Variants in GRIA1 observed in about 807,000 individuals in gnomAD.
GRIA1 encodes glutamate receptor 1.
GRIA1 carries 31 observed loss-of-function variants against 99.2 expected under a neutral mutation model. The ratio of observed to expected loss-of-function variants is 0.31; its 90% CI spans 0.23 to 0.42. The LOEUF is 0.42. GRIA1 is among the 10% of genes least tolerant of loss of function. The pLI is 1.00. For missense variants in GRIA1, 782 were observed against 1,157.5 expected (o/e 0.68, Z 4.71); for synonymous variants, 438 against 432.4 (o/e 1.01, Z -0.16).
At chr5:153,702,670 G>T (rs1056689030) in intron 10 of GRIA1, among the ~76,000 whole-genome samples, 2 of 152,192 alleles carry the variant, frequency 1.3e-5, no homozygotes, top group African/African-American at 4.8e-5. Context: ...TAGAAATGCA[G>T]ATGTTCACAT....
At chr5:153,587,076 T>C (rs1302613930) in intron 2 of GRIA1, among the ~76,000 whole-genome samples, 1 of 152,182 alleles carries the variant, frequency 6.6e-6, no homozygotes, top group Non-Finnish European at 1.5e-5. Flanking sequence ...GGTAGTGTGA[T>C]ATAGTTTGGA....
At chr5:153,755,994 G>A (rs1762803966) in intron 11 of GRIA1, among the ~76,000 whole-genome samples, 1 of 152,216 alleles carries the variant, frequency 6.6e-6, no homozygotes, top group African/African-American at 2.4e-5. Context: ...CTGTCAATGG[G>A]TCCAGGAGAA....
intron 11 of GRIA1, among the ~76,000 whole-genome samples, chr5:153,739,452 T>C (rs1387598586): frequency 6.6e-6 from 1 of 152,190 alleles, no homozygotes; most frequent in Non-Finnish European, 1.5e-5. Context: ...CTGATAAATA[T>C]CTGTTGAATA....
intron 7 of GRIA1, among the ~76,000 whole-genome samples, chr5:153,684,035 G>T (rs1757175446): frequency 6.6e-6 from 1 of 152,088 alleles, no homozygotes; most frequent in African/African-American, 2.4e-5. Context: ...GCGAACACTT[G>T]GTACCTTAAG....
chr5:153,664,937 G>A (rs1046513868), intron 5 of GRIA1, among the ~76,000 whole-genome samples: 15 of 152,184 alleles, frequency 9.9e-5, no homozygotes, highest in Non-Finnish European at 4.4e-5. Flanking sequence ...TTTCTAGATA[G>A]GAAGGTTTTG....
intron 5 of GRIA1, among the ~76,000 whole-genome samples, chr5:153,660,417 C>T (rs1419626174): frequency 2.0e-5 from 3 of 152,298 alleles, no homozygotes; most frequent in South Asian, 4.1e-4. Flanking sequence ...GACTTTTCCA[C>T]AGTCACAAAA....
intron 5 of GRIA1, among the ~76,000 whole-genome samples, chr5:153,661,530 C>A (rs1252516506): frequency 6.6e-6 from 1 of 152,094 alleles, no homozygotes; most frequent in African/African-American, 2.4e-5. Context: ...ATAACTGATT[C>A]TCTATTATTT....
chr5:153,677,171 C>T lies in GRIA1; in HGVS notation c.1029+10C>T, dbSNP rs1246871627. The T allele has an allele frequency of 2.1e-6, 3 of 1,440,400 alleles. No individual in the cohort carries two copies. Among genetic ancestry groups the T allele is most frequent in the Admixed American group, 4.5e-5 (2 of 44,028 alleles). The allele number at this position is 1,440,400 out of a possible 1,614,324, so 89.2% of individuals were successfully genotyped here. ...GAGAGCTCTGCAGCAGGTAAGACCA[C>T]CAATGTTTGCCCCATCTCATAGGAG... is the stretch of plus-strand genomic sequence containing the variant. On this transcript the variant is annotated intron_variant, in intron 7 of 15. Transcript: ENST00000285900.
At chr5:153,709,144 G>T (rs1759129118) in intron 11 of GRIA1, among the ~76,000 whole-genome samples, 1 of 152,300 alleles carries the variant, frequency 6.6e-6, no homozygotes, top group African/African-American at 2.4e-5. Flanking sequence ...AGAAACTTTT[G>T]TTGTCATTGT....
chr5:153,604,495 T>C (rs1765276578), intron 2 of GRIA1, among the ~76,000 whole-genome samples: 1 of 152,230 alleles, frequency 6.6e-6, no homozygotes, highest in Middle Eastern at 3.2e-3. Flanking sequence ...GGCAAAACTA[T>C]ATAGCACACT....
chr5:153,785,501 C>T (rs571156388), intron 13 of GRIA1, among the ~76,000 whole-genome samples: 30 of 152,112 alleles, frequency 2.0e-4, no homozygotes, highest in African/African-American at 7.2e-4. Flanking sequence ...AAAAAATTAC[C>T]GTCTCTTATT....
At position 153,757,236 on chromosome 5, in the gene GRIA1, A is replaced by T. The variant is rs186692248; in HGVS notation, c.1824-7198A>T. Among the ~76,000 whole-genome samples, 804 of 152,262 alleles carry T rather than the reference A, an allele frequency of 5.3e-3. 9 individuals carry two copies. The highest frequency in any genetic ancestry group is 0.018 in the African/African-American group (740 of 41,548). The stretch of plus-strand genomic sequence containing the variant: ...GAGCTTGAAAACAGTCTCCTTGAAA[A>T]TACAGCCAAAGGAGAAAATAGGAAA... On this transcript the variant is annotated intron_variant, in intron 11 of 15. Transcript: ENST00000285900.
intron 2 of GRIA1, among the ~76,000 whole-genome samples, chr5:153,577,095 T>C (rs1018762389): frequency 1.4e-5 from 2 of 145,012 alleles, no homozygotes; most frequent in African/African-American, 5.1e-5. Flanking sequence ...GATGAATGGA[T>C]GGATGGATGG....
At chr5:153,564,215 G>C (rs1761414659) in intron 2 of GRIA1, among the ~76,000 whole-genome samples, 1 of 152,192 alleles carries the variant, frequency 6.6e-6, no homozygotes, top group East Asian at 1.9e-4. Context: ...AGCAGCATCT[G>C]TTTGCCAGGG....
chr5:153,602,130 C>T (rs976481104), intron 2 of GRIA1, among the ~76,000 whole-genome samples: 1 of 152,148 alleles, frequency 6.6e-6, no homozygotes, highest in Non-Finnish European at 1.5e-5. Flanking sequence ...GGAACCAACC[C>T]AAATGTCCAA....
At chr5:153,544,926 T>C (rs1205862426) in intron 2 of GRIA1, among the ~76,000 whole-genome samples, 1 of 152,230 alleles carries the variant, frequency 6.6e-6, no homozygotes, top group Non-Finnish European at 1.5e-5. Flanking sequence ...GATTCTGTGG[T>C]CTTAGTTCCA....
intron 11 of GRIA1, among the ~76,000 whole-genome samples, chr5:153,714,364 A>G (rs1759524111): frequency 6.6e-6 from 1 of 152,182 alleles, no homozygotes; most frequent in Non-Finnish European, 1.5e-5. Context: ...TTTTAAGGGA[A>G]TTTTTCTCCT....
chr5:153,696,951 A>T (rs1050006791), intron 8 of GRIA1, among the ~76,000 whole-genome samples: 1 of 152,064 alleles, frequency 6.6e-6, no homozygotes, highest in Non-Finnish European at 1.5e-5. Flanking sequence ...TGTAGTCTAC[A>T]CTGCTTAGCC....
intron 7 of GRIA1, among the ~76,000 whole-genome samples, chr5:153,680,632 T>C (rs1246625155): frequency 6.6e-6 from 1 of 152,120 alleles, no homozygotes; most frequent in Non-Finnish European, 1.5e-5. Flanking sequence ...TTGGTCTTTG[T>C]TTTTGCAACC....
Sources: gnomAD v4.1 joint callset for allele counts (sites outside exome capture counted in the v4.1 genomes callset) on GRCh38, gnomAD v4.1.1 for gene constraint, MANE v1.5 for transcripts, NCBI Gene and HGNC (gene_info 2026-07-23, HGNC 2026-07-21) for gene names.